TOP1MT: variants seen among roughly 807,000 people sequenced by gnomAD.
TOP1MT encodes DNA topoisomerase I mitochondrial, also known as DNA topoisomerase I, mitochondrial.
TOP1MT carries 80 observed loss-of-function variants against 73.9 expected under a neutral mutation model. The observed-to-expected ratio is 1.08, with a 90% CI of 0.90 to 1.30. The LOEUF (loss-of-function observed/expected upper bound fraction) is 1.30. TOP1MT is among the 50% of genes most tolerant of loss of function. TOP1MT has a pLI of 0.00. For synonymous variants in TOP1MT, 338 were observed against 326.4 expected (o/e 1.04, Z -0.38); for missense variants, 815 against 808.0 (o/e 1.01, Z -0.10).
At chr8:143,335,272 C>G (rs949217355), upstream of TOP1MT, among the ~76,000 whole-genome samples, 2 of 152,232 alleles carry the variant, frequency 1.3e-5, no homozygotes, top group African/African-American at 4.8e-5. Context: ...ACACGCTCTG[C>G]TGCTCTGGAG....
chr8:143,329,846 C>T (rs566229400), intron 2 of TOP1MT, among the ~76,000 whole-genome samples: 2 of 152,310 alleles, frequency 1.3e-5, no homozygotes, highest in South Asian at 2.1e-4. Context: ...GGCTTCAAAG[C>T]AGAAAACTGA....
intron 1 of TOP1MT, chr8:143,343,842 A>G (rs1358379043): frequency 6.5e-6 from 1 of 154,408 alleles, no homozygotes; most frequent in Non-Finnish European, 1.4e-5. Flanking sequence ...TTATGGGGGC[A>G]CCAGGCACCC....
chr8:143,329,633 C>T (rs1168903721), intron 2 of TOP1MT, among the ~76,000 whole-genome samples, 162 bp from the exon 3 acceptor site: 5 of 152,218 alleles, frequency 3.3e-5, no homozygotes, highest in East Asian at 1.9e-4. Flanking sequence ...GCATGACACA[C>T]GACAATCAAC....
intron 1 of TOP1MT, among the ~76,000 whole-genome samples, chr8:143,353,697 T>C (rs556653748): frequency 3.9e-5 from 6 of 152,116 alleles, no homozygotes; most frequent in African/African-American, 9.6e-5. Context: ...AATAAGTTTA[T>C]TGGGGCCGGA....
At chr8:143,329,597 C>T (rs2467894) in intron 2 of TOP1MT, 126 bp from the exon 3 acceptor site, 2 of 1,145,696 alleles carry the variant, frequency 1.7e-6, no homozygotes, top group Non-Finnish European at 2.4e-6. Flanking sequence ...GCTAGGCCTT[C>T]TTCTGTAAGT....
chr8:143,331,371 T>A, intron 1 of TOP1MT, 32 bp from the exon 2 acceptor site: 4 of 1,579,464 alleles, frequency 2.5e-6, no homozygotes, highest in Non-Finnish European at 2.6e-6. Context: ...GTCACTCTCC[T>A]GGGCCAGGCC....
intron 2 of TOP1MT, among the ~76,000 whole-genome samples, chr8:143,340,411 CTGCCT>C (rs1817057830): frequency 6.6e-6 from 1 of 152,034 alleles, no homozygotes; most frequent in Non-Finnish European, 1.5e-5. Flanking sequence ...TTTCCACCTG[CTGCCT>C]TCGGCCTTCT....
At chr8:143,333,428 G>A (rs1196712062) in intron 1 of TOP1MT, among the ~76,000 whole-genome samples, 1 of 152,150 alleles carries the variant, frequency 6.6e-6, no homozygotes, top group Admixed American at 6.6e-5. Flanking sequence ...CAGCCTGGGT[G>A]ACAGGGCAAG....
rs923789474 is a variant in TOP1MT at position 143,341,328 on chromosome 8, G to T, written c.29+1892C>A. 1.3e-5 allele frequency among the ~76,000 whole-genome samples: 2 copies of T among 152,042 alleles called. No homozygotes were observed. The highest frequency in any genetic ancestry group is 2.9e-5 in the Non-Finnish European group (2 of 68,022). Reference sequence around the variant, plus strand: ...CAGAGCCCCCTTCCGGCTGGGCACCGCCTGCAGGGCCATGCCCTTCTATCT... The same window carrying T: ...CAGAGCCCCCTTCCGGCTGGGCACCTCCTGCAGGGCCATGCCCTTCTATCT... On this transcript the variant is annotated intron_variant, in intron 2 of 5. Coordinates refer to the TOP1MT transcript ENST00000518007. The surrounding 1 kb of genome is among the most constrained non-coding windows in gnomAD (Gnocchi z 4.1).
chr8:143,342,328 CTGT>C (rs1306520369), intron 2 of TOP1MT, among the ~76,000 whole-genome samples: 14 of 124,476 alleles, frequency 1.1e-4, no homozygotes, highest in Non-Finnish European at 1.7e-4. Flanking sequence ...CAGAGTCTCG[CTGT>C]TATTATTATT....
chr8:143,352,371 G>A (rs1365153764), intron 1 of TOP1MT, among the ~76,000 whole-genome samples: 1 of 152,146 alleles, frequency 6.6e-6, no homozygotes, highest in African/African-American at 2.4e-5. Context: ...CTCAGAGTCC[G>A]GAAATAAACC....
At chr8:143,321,789 A>G (rs1586757686) in intron 7 of TOP1MT, among the ~76,000 whole-genome samples, 6 of 95,050 alleles carry the variant, frequency 6.3e-5, no homozygotes, top group African/African-American at 8.5e-5. Context: ...CACGCCACAC[A>G]CGCACGCCAC....
At chr8:143,331,417 C>T (rs2130319302) in intron 1 of TOP1MT, 78 bp from the exon 2 acceptor site, 4 of 1,194,792 alleles carry the variant, frequency 3.3e-6, no homozygotes, top group Non-Finnish European at 3.6e-6. Flanking sequence ...ACAGTGGCTC[C>T]TCCCTGTGGC....
In TOP1MT at chr8:143,315,609, A is replaced by G. The variant is rs1176816336; in HGVS notation, c.1553+118T>C. The G allele has an allele frequency of 4.3e-6, 3 of 694,044 alleles. No individual in the cohort carries two copies. The Admixed American group carries it at 8.9e-5, about 21-fold the overall frequency. The allele number at this position is 694,044 out of a possible 1,614,324, so 43.0% of individuals were successfully genotyped here. A position where few individuals can be genotyped will look rare whatever the true frequency, so the allele number is the denominator to read the frequency against. ...TTTGTCTTGTGTCTTTATTTCTACAATCTCTCGTCTCCGCACAAGGAGACA... is the reference window on the plus strand; with the variant it reads ...TTTGTCTTGTGTCTTTATTTCTACAGTCTCTCGTCTCCGCACAAGGAGACA... On this transcript the variant is annotated intron_variant, in intron 12 of 13. Transcript: ENST00000329245.
chr8:143,345,676 G>A (rs866269176), upstream of TOP1MT, among the ~76,000 whole-genome samples: 1 of 152,170 alleles, frequency 6.6e-6, no homozygotes, highest in Non-Finnish European at 1.5e-5. Context: ...AATTATAGAA[G>A]AATACATTAC....
At chr8:143,342,120 C>T (rs1477530457) in intron 2 of TOP1MT, among the ~76,000 whole-genome samples, 2 of 125,106 alleles carry the variant, frequency 1.6e-5, no homozygotes, top group African/African-American at 8.2e-5. Context: ...TTATTAGAGA[C>T]ACAGTCTCGC....
chr8:143,324,508 G>A lies in TOP1MT; in HGVS notation c.793C>T (p.Leu265=). Residue 265 remains leucine (L), a synonymous_variant, in exon 6 of 14, where the codon CTG becomes TTG. Coordinates refer to ENST00000329245, the MANE Select transcript of TOP1MT (RefSeq NM_052963.3). ...ACCTTCAGCTTCGAGCAAGGGTTCA[G>A]CATGATGTACTTGATGGAGTTCTGA... ...SVQNSIKYIM[L]NPCSKLKGET... is the part of the protein sequence containing the mutation. 6.2e-7 allele frequency: 1 copy of A among 1,613,982 alleles called. No individual in the cohort carries two copies. The highest frequency in any genetic ancestry group is 8.5e-7 in the Non-Finnish European group (1 of 1,180,026).
At chr8:143,317,974 G>C (rs1325808482) in intron 9 of TOP1MT, 44 bp downstream of exon 9, 2 of 1,609,256 alleles carry the variant, frequency 1.2e-6, no homozygotes, top group Admixed American at 1.7e-5. Flanking sequence ...CCTCTCACTG[G>C]GTCCTGCCGC....
intron 7 of TOP1MT, among the ~76,000 whole-genome samples, chr8:143,322,485 C>CA (rs1816476587): frequency 2.1e-5 from 2 of 97,116 alleles, no homozygotes; most frequent in Admixed American, 2.4e-4. Context: ...CACAGGCACG[C>CA]CACACGCACG....
Sources: allele counts gnomAD v4.1 joint callset (sites outside exome capture counted in the v4.1 genomes callset), GRCh38; gene constraint gnomAD v4.1.1; non-coding constraint Gnocchi (gnomAD v3.1); transcripts MANE v1.5; gene names NCBI Gene and HGNC (gene_info 2026-07-23, HGNC 2026-07-21).